Variants in PCDHGA2 observed in about 807,000 individuals in gnomAD.
PCDHGA2 encodes protocadherin gamma-A2.
A neutral mutation model predicts 59.2 loss-of-function variants in PCDHGA2; 40 were observed. The observed-to-expected ratio is 0.68, with a 90% CI of 0.52 to 0.88. The LOEUF (loss-of-function observed/expected upper bound fraction) is 0.88. PCDHGA2 is among the 40% of genes least tolerant of loss of function. The pLI is 0.00. For missense variants in PCDHGA2, 1,226 were observed against 1,204.0 expected, an observed-to-expected ratio of 1.02 and a Z score of -0.27; for synonymous variants, 560 against 526.0, an observed-to-expected ratio of 1.06 and a Z score of -0.89.
Position 141,510,362 on chromosome 5 carries a change from C to T in PCDHGA2, c.2573-585C>T, listed in dbSNP as rs74321279. Among the ~76,000 whole-genome samples the T allele has an allele frequency of 2.0e-4, 29 of 142,136 alleles. No homozygotes were observed. In the East Asian group the frequency reaches 5.7e-3, roughly 28 times the overall value. The allele number at this position is 142,136 out of a possible 152,430, so 93.2% of individuals were successfully genotyped here. A position where few individuals can be genotyped will look rare whatever the true frequency, so the allele number is the denominator to read the frequency against. On this transcript the variant is annotated intron_variant, in intron 3 of 3. Coordinates refer to ENST00000394576, the MANE Select transcript of PCDHGA2 (RefSeq NM_018915.4). ...CCCACACACTTACTAACGGAACTAC[C>T]GAATCTCTACTCGTGCCAGGCCTTG... is the stretch of plus-strand genomic sequence containing the variant.
At chr5:141,365,374 CCTCACCTCTCT>C in intron 1 of PCDHGA2, 1 of 1,613,808 alleles carries the variant, frequency 6.2e-7, no homozygotes, top group African/African-American at 1.3e-5. Context: ...CCGAAGTGAT[CCTCACCTCTCT>C]GACCAGTTCG....
Position 141,477,575 on chromosome 5 carries a change from C to T in PCDHGA2, c.2425-17232C>T. The T allele has an allele frequency of 6.2e-7, 1 of 1,614,176 alleles. No individual in the cohort carries two copies. The highest frequency in any genetic ancestry group is 8.5e-7 in the Non-Finnish European group (1 of 1,180,030). On this transcript the variant is annotated intron_variant, in intron 1 of 3. Coordinates refer to ENST00000394576, the MANE Select transcript of PCDHGA2 (RefSeq NM_018915.4). This position sits in a 1 kb window ranked among gnomAD's most constrained non-coding sequence, Gnocchi z 4.9. ...CCTAAGTGTCTGGGACCCCGACGCC[C>T]CGCAGAATGCTCGGCTTTCTTTCTT... is the stretch of plus-strand genomic sequence containing the variant.
At chr5:141,453,786 A>G (rs2098774297) in intron 1 of PCDHGA2, among the ~76,000 whole-genome samples, 1 of 152,252 alleles carries the variant, frequency 6.6e-6, no homozygotes, top group Non-Finnish European at 1.5e-5. Flanking sequence ...TTACCATGGT[A>G]TATTAACTTT....
At chr5:141,460,047 C>T (rs2098981053) in intron 1 of PCDHGA2, among the ~76,000 whole-genome samples, 1 of 152,102 alleles carries the variant, frequency 6.6e-6, no homozygotes. Context: ...CACTGCACTC[C>T]AGCCTGGGCA....
chr5:141,371,646 T>C, intron 1 of PCDHGA2: 3 of 1,614,026 alleles, frequency 1.9e-6, no homozygotes, highest in Non-Finnish European at 2.5e-6. Flanking sequence ...GATCCCAGAA[T>C]ACAATGTGAC....
At chr5:141,428,230 C>A in intron 1 of PCDHGA2, 1 of 1,073,982 alleles carries the variant, frequency 9.3e-7, no homozygotes, top group Non-Finnish European at 1.4e-6. Flanking sequence ...CGCAGACAGC[C>A]TGCAGGAGGC....
At chr5:141,464,407 A>G (rs996561936) in intron 1 of PCDHGA2, among the ~76,000 whole-genome samples, 1 of 151,544 alleles carries the variant, frequency 6.6e-6, no homozygotes, top group Non-Finnish European at 1.5e-5. Flanking sequence ...CCTGAGATAT[A>G]TATATATCTA....
chr5:141,402,977 C>T, intron 1 of PCDHGA2: 2 of 1,608,138 alleles, frequency 1.2e-6, no homozygotes, highest in Non-Finnish European at 8.5e-7. Flanking sequence ...CAAATGCCAG[C>T]TCCGCGGAAG....
chr5:141,442,725 G>A (rs1381140725), intron 1 of PCDHGA2, among the ~76,000 whole-genome samples: 1 of 152,198 alleles, frequency 6.6e-6, no homozygotes, highest in Admixed American at 6.5e-5. Flanking sequence ...AGCATTTGGG[G>A]CCTGTAGGTA....
Position 141,489,753 on chromosome 5 carries a change from T to A in PCDHGA2, c.2425-5054T>A, listed in dbSNP as rs549652158. On this transcript the variant is annotated intron_variant, in intron 1 of 3. Transcript: ENST00000394576. The surrounding 1 kb of genome is among the most constrained non-coding windows in gnomAD (Gnocchi z 4.5). ...GCACCAATACTGTGAGCTTTTACAC[T>A]CTAAGCCCCAACAGCCACTTCTCTC... 6.2e-7 allele frequency: 1 copy of A among 1,614,070 alleles called. No homozygotes were observed. The highest frequency in any genetic ancestry group is 2.2e-5 in the East Asian group (1 of 44,866).
intron 2 of PCDHGA2, among the ~76,000 whole-genome samples, chr5:141,496,391 A>G (rs1473991011): frequency 1.3e-5 from 2 of 151,930 alleles, no homozygotes; most frequent in Admixed American, 6.6e-5. Flanking sequence ...ACCTTACCCT[A>G]CCTCCTCAAT....
intron 1 of PCDHGA2, chr5:141,366,857 T>C: frequency 6.9e-6 from 10 of 1,438,966 alleles, no homozygotes; most frequent in Non-Finnish European, 9.4e-6. Flanking sequence ...AGTGGAACAT[T>C]ATTTGCTGTA....
At chr5:141,390,646 C>G (rs2092199925) in intron 1 of PCDHGA2, 1 of 218,218 alleles carries the variant, frequency 4.6e-6, no homozygotes, top group Non-Finnish European at 9.0e-6. Flanking sequence ...CTTTTTTCAG[C>G]TTGGATATAC....
At chr5:141,380,746 A>G (rs1321659123) in intron 1 of PCDHGA2, among the ~76,000 whole-genome samples, 1 of 152,254 alleles carries the variant, frequency 6.6e-6, no homozygotes, top group African/African-American at 2.4e-5. Context: ...CAAAGAAGGT[A>G]CCAAGACACT....
At chr5:141,385,016 C>A (rs536780147) in intron 1 of PCDHGA2, 4 of 1,614,186 alleles carry the variant, frequency 2.5e-6, no homozygotes, top group Non-Finnish European at 3.4e-6. Flanking sequence ...GTCTTCCTAG[C>A]CTTCGTCCTC....
chr5:141,450,479 G>GTTTT (rs1165567597), intron 1 of PCDHGA2, among the ~76,000 whole-genome samples: 124 of 152,020 alleles, frequency 8.2e-4, no homozygotes, highest in African/African-American at 2.9e-3. Flanking sequence ...GAGTTTGTTT[G>GTTTT]TTTGTTTGTC....
chr5:141,355,431 G>T, intron 1 of PCDHGA2: 2 of 1,614,100 alleles, frequency 1.2e-6, no homozygotes, highest in Non-Finnish European at 1.7e-6. Context: ...TTTTCGCCCT[G>T]AACCCGCGCA....
At position 141,339,894 on chromosome 5, in the gene PCDHGA2, A is replaced by G. The variant is rs1281295321; in HGVS notation, c.923A>G (p.Asp308Gly). Residue 308 changes from aspartate (D) to glycine (G), a missense_variant, in exon 1 of 4, where the codon GAT becomes GGT. Asp to Gly is a moderately conservative substitution (Grantham distance 94, BLOSUM62 -1). Coordinates refer to ENST00000394576, the MANE Select transcript of PCDHGA2 (RefSeq NM_018915.4). ...GAACTGACAATCATAAAAGATCTAG[A>G]TTATGAGGATGCTACATTCCATGAA... is the stretch of plus-strand genomic sequence containing the variant. ...SGELTIIKDL[D>G]YEDATFHEID... is the part of the protein sequence containing the mutation. The G allele has an allele frequency of 1.9e-6, 3 of 1,614,136 alleles. No homozygotes were observed. The highest frequency in any genetic ancestry group is 1.7e-6 in the Non-Finnish European group (2 of 1,179,980).
At chr5:141,405,226 C>T (rs756970325) in intron 1 of PCDHGA2, 6 of 1,613,934 alleles carry the variant, frequency 3.7e-6, no homozygotes, top group Admixed American at 3.3e-5. Context: ...AGGAGTTCTC[C>T]CTCACCGCTG....
Sources: gnomAD v4.1 joint callset for allele counts (sites outside exome capture counted in the v4.1 genomes callset) on GRCh38, gnomAD v4.1.1 for gene constraint, Gnocchi (gnomAD v3.1) non-coding constraint, MANE v1.5 for transcripts, NCBI Gene and HGNC (gene_info 2026-07-23, HGNC 2026-07-21) for gene names.